Variants in NCR3LG1 observed in about 807,000 individuals in gnomAD.
NCR3LG1 encodes natural killer cell cytotoxicity receptor 3 ligand 1, also known as natural cytotoxicity triggering receptor 3 ligand 1.
In NCR3LG1, 35 loss-of-function variants were observed where a neutral mutation model predicts 34.8. The observed-to-expected ratio is 1.01, with a 90% CI of 0.77 to 1.33. The LOEUF (loss-of-function observed/expected upper bound fraction) is 1.33, where lower values mean the gene tolerates loss of function less well. Among genes scored for constraint, NCR3LG1 ranks in the 40% most tolerant of loss-of-function variants. The pLI is 0.00. For missense variants in NCR3LG1, 452 were observed against 423.3 expected, an observed-to-expected ratio of 1.07 and a Z score of -0.60; for synonymous variants, 173 against 163.6, an observed-to-expected ratio of 1.06 and a Z score of -0.44.
At chr11:17,362,745 TTTC>T (rs1564856493) in intron 2 of NCR3LG1, among the ~76,000 whole-genome samples, 4 of 108,012 alleles carry the variant, frequency 3.7e-5, no homozygotes, top group African/African-American at 2.0e-4. Context: ...TCTTTCTTTC[TTTC>T]TTTCTTTCTT....
Position 17,367,318 on chromosome 11 carries a change from C to T in NCR3LG1, c.731C>T (p.Thr244Ile). The T allele has an allele frequency of 6.5e-7, 1 of 1,535,298 alleles. No homozygotes were observed. Among genetic ancestry groups the T allele is most frequent in the Non-Finnish European group, 8.7e-7 (1 of 1,146,268 alleles). Residue 244 changes from threonine (T) to isoleucine (I), a missense_variant, in exon 3 of 5, where the codon ACC becomes ATC. Physicochemically the swap from Thr to Ile is moderately conservative, Grantham distance 89 (BLOSUM62 -1). Coordinates refer to ENST00000338965, the MANE Select transcript of NCR3LG1 (RefSeq NM_001202439.3). ...CATACCCCCTTGAGGAGCAACTTTA[C>T]CCTGACTGCTGCTCGGCACAGTCTT... ...SLHTPLRSNFTLTAARHSLSE... is the reference protein window; with the variant it reads ...SLHTPLRSNFILTAARHSLSE...
In NCR3LG1 at chr11:17,372,250, A is replaced by G. The variant is rs1564859762; in HGVS notation, c.1103A>G (p.Gln368Arg). Reference sequence around the variant, plus strand: ...AAATGGTCCGAGGTTCCTTATGTGCAAGCCTTCTTTGCCTTGCGAGACAAC... The same window carrying G: ...AAATGGTCCGAGGTTCCTTATGTGCGAGCCTTCTTTGCCTTGCGAGACAAC... ...EGKWSEVPYV[Q>R]AFFALRDNPD... Residue 368 changes from glutamine to arginine, a missense_variant, in exon 5 of 5, where the codon CAA becomes CGA. Coordinates refer to ENST00000338965, the MANE Select transcript of NCR3LG1 (RefSeq NM_001202439.3). 1.4e-6 allele frequency: 1 copy of G among 703,150 alleles called. No homozygotes were observed. 43.6% of individuals were successfully genotyped at this position (703,150 alleles called of 1,614,324 possible). A position where few individuals can be genotyped will look rare whatever the true frequency, so the allele number is the denominator to read the frequency against.
chr11:17,367,420 GC>G (rs1953358449), intron 3 of NCR3LG1, 73 bp downstream of exon 3: 6 of 1,238,132 alleles, frequency 4.8e-6, no homozygotes, highest in Admixed American at 2.5e-5. Context: ...TTCCCACACA[GC>G]CTGGGTCTTA....
chr11:17,371,667 T>C (rs1009610880), intron 4 of NCR3LG1, among the ~76,000 whole-genome samples: 1 of 152,240 alleles, frequency 6.6e-6, no homozygotes, highest in Non-Finnish European at 1.5e-5. Flanking sequence ...AGAGTTAAGA[T>C]GTTCCCTTCC....
intron 2 of NCR3LG1, among the ~76,000 whole-genome samples, chr11:17,357,246 T>C (rs1953221157): frequency 6.6e-6 from 1 of 152,214 alleles, no homozygotes; most frequent in South Asian, 2.1e-4. Context: ...GATGAAGACA[T>C]CAGCAGGATT....
chr11:17,365,573 T>G (rs928313144), intron 2 of NCR3LG1, among the ~76,000 whole-genome samples: 5 of 152,202 alleles, frequency 3.3e-5, no homozygotes, highest in African/African-American at 1.2e-4. Flanking sequence ...TCAGGTCAGA[T>G]AAGGCTCTGA....
At chr11:17,362,372 A>G (rs1953278099) in intron 2 of NCR3LG1, among the ~76,000 whole-genome samples, 1 of 151,978 alleles carries the variant, frequency 6.6e-6, no homozygotes, top group Non-Finnish European at 1.5e-5. Flanking sequence ...ATTTGCTAAT[A>G]TTTTCTTGAG....
At chr11:17,357,652 CA>C (rs1262024213) in intron 2 of NCR3LG1, among the ~76,000 whole-genome samples, 1 of 77,532 alleles carries the variant, frequency 1.3e-5, no homozygotes, top group Admixed American at 1.5e-4. Flanking sequence ...TATATACGGC[CA>C]ACTGACAGTG....
intron 1 of NCR3LG1, among the ~76,000 whole-genome samples, chr11:17,355,309 A>C (rs1303106342): frequency 6.6e-6 from 1 of 152,116 alleles, no homozygotes; most frequent in African/African-American, 2.4e-5. Flanking sequence ...AGACAGGAGG[A>C]TCACTTGAGC....
At chr11:17,379,080 G>A (rs989910961), downstream of NCR3LG1, among the ~76,000 whole-genome samples, 8 of 152,174 alleles carry the variant, frequency 5.3e-5, no homozygotes, top group South Asian at 4.1e-4. Flanking sequence ...GTGAAATGGC[G>A]ACACTCTTTT....
chr11:17,358,015 T>G (rs1371598498), intron 2 of NCR3LG1, among the ~76,000 whole-genome samples: 2 of 152,210 alleles, frequency 1.3e-5, no homozygotes, highest in Non-Finnish European at 2.9e-5. Flanking sequence ...CAGTGGCTTT[T>G]AAAGACATTA....
Position 17,356,802 on chromosome 11 carries a change from A to G in NCR3LG1, c.222A>G (p.Lys74=), listed in dbSNP as rs1476658001. ...TWFWKSLTFD[K]EVKVFEFFGD... is the part of the protein sequence containing the mutation. ...TTTGGAAGAGTCTGACGTTTGACAA[A>G]GAAGTCAAAGTCTTTGAATTTTTTG... The change falls in exon 2 of 5, where the codon AAA becomes AAG. Residue 74 remains lysine, a synonymous_variant. Transcript: ENST00000338965. 6 of 1,536,094 alleles carry G rather than the reference A, an allele frequency of 3.9e-6. No individual in the cohort carries two copies. In the East Asian group the frequency reaches 9.8e-5, roughly 25 times the overall value.
chr11:17,356,978 G>GAACAGTCC lies in NCR3LG1; in HGVS notation c.400_407dup (p.Leu137GlnfsTer21). The GAACAGTCC allele has an allele frequency of 6.5e-7, 1 of 1,529,688 alleles. No homozygotes were observed. Among genetic ancestry groups the GAACAGTCC allele is most frequent in the Non-Finnish European group, 8.7e-7 (1 of 1,142,888 alleles). The allele number at this position is 1,529,688 out of a possible 1,614,324, so 94.8% of individuals were successfully genotyped here. A position where few individuals can be genotyped will look rare whatever the true frequency, so the allele number is the denominator to read the frequency against. On this transcript the variant is annotated frameshift_variant, in exon 2 of 5. Transcript: ENST00000338965. LOFTEE classifies it high-confidence loss of function. ...GTGGTCACCCCTCTGAAGGCACAGG[G>GAACAGTCC]AACAGTCCAGCTTGAAGTTGTGGGT...
At position 17,367,059 on chromosome 11, in the gene NCR3LG1, G is replaced by A; in HGVS notation, c.472G>A (p.Glu158Lys). ...GGATCAAGTGGGCATGAAAGAGAAT[G>A]AAGACAAATATATGTGTGAGTCAAG... ...LLDQVGMKEN[E>K]DKYMCESSGF... is the part of the protein sequence containing the mutation. Residue 158 changes from glutamate to lysine, a missense_variant, in exon 3 of 5, where the codon GAA (glutamate) becomes AAA (lysine). Glu to Lys is a moderately conservative substitution (Grantham distance 56). Coordinates refer to ENST00000338965, the MANE Select transcript of NCR3LG1 (RefSeq NM_001202439.3). 6.5e-7 allele frequency: 1 copy of A among 1,535,802 alleles called. No homozygotes were observed. The highest frequency in any genetic ancestry group is 8.7e-7 in the Non-Finnish European group (1 of 1,146,662).
At chr11:17,377,787 G>A (rs1159340284), downstream of NCR3LG1, among the ~76,000 whole-genome samples, 2 of 152,192 alleles carry the variant, frequency 1.3e-5, no homozygotes, top group Non-Finnish European at 2.9e-5. Flanking sequence ...TCGTGGCAGT[G>A]GTTCCTGACC....
chr11:17,355,113 C>T (rs192702283), intron 1 of NCR3LG1, among the ~76,000 whole-genome samples: 9 of 152,248 alleles, frequency 5.9e-5, no homozygotes, highest in Admixed American at 5.9e-4. Context: ...AAATGGAAAA[C>T]ATCTAGCCAG....
At chr11:17,352,177 CTTTTTTT>C (rs34454730) in intron 1 of NCR3LG1, 138 bp downstream of exon 1, 297 of 290,032 alleles carry the variant, frequency 1.0e-3, no homozygotes, top group East Asian at 2.3e-3. Flanking sequence ...ATTTCTTCTC[CTTTTTTT>C]TTTTTTTTTT....
chr11:17,365,186 C>T (rs4439492), intron 2 of NCR3LG1, among the ~76,000 whole-genome samples: 107,728 of 152,074 alleles, frequency 0.71, 39,600 homozygotes, highest in African/African-American at 0.93. Context: ...ATTATGCGGC[C>T]TTATGTTAAT....
At chr11:17,362,231 A>G (rs1953276787) in intron 2 of NCR3LG1, among the ~76,000 whole-genome samples, 1 of 152,220 alleles carries the variant, frequency 6.6e-6, no homozygotes, top group Non-Finnish European at 1.5e-5. Context: ...GTATGATCAT[A>G]TAATTTTTTC....
Sources: gnomAD v4.1 joint callset for allele counts (sites outside exome capture counted in the v4.1 genomes callset) on GRCh38, gnomAD v4.1.1 for gene constraint, MANE v1.5 for transcripts, NCBI Gene and HGNC (gene_info 2026-07-23, HGNC 2026-07-21) for gene names.